Variants in ITIH6 observed in about 807,000 individuals in gnomAD.
ITIH6 encodes the protein inter-alpha-trypsin inhibitor heavy chain H6.
A neutral mutation model predicts 58.2 loss-of-function variants in ITIH6; 60 were observed. The observed-to-expected ratio is 1.03, with a 90% CI of 0.84 to 1.28. ITIH6 has a LOEUF of 1.28. Among genes scored for constraint, ITIH6 ranks in the 50% most tolerant of loss-of-function variants. The probability of loss-of-function intolerance (pLI) is 0.00; values close to 1 mark genes in which losing one functional copy is unlikely to be tolerated. For synonymous variants in ITIH6, 493 were observed against 417.4 expected, an observed-to-expected ratio of 1.18 and a Z score of -2.21; for missense variants, 1,290 against 1,021.1, an observed-to-expected ratio of 1.26 and a Z score of -3.59.
At chrX:54,784,137 C>G (rs1414610158) in intron 5 of ITIH6, among the ~76,000 whole-genome samples, 1 of 111,739 alleles carries the variant, frequency 8.9e-6, no homozygotes, top group African/African-American at 3.3e-5. Flanking sequence ...TATCCATATG[C>G]AGAATAATGA....
rs1928554199 is a variant in ITIH6 at position 54,758,376 on chromosome X, A to G, written c.1698T>C (p.Tyr566=). Reference sequence around the variant, plus strand: ...CATCCAGCAGTTCTCCAATGGTGACATAGGCCCAGAGGCGGCGGATGAAGT... The same window carrying G: ...CATCCAGCAGTTCTCCAATGGTGACGTAGGCCCAGAGGCGGCGGATGAAGT... ...VAHFIRRLWA[Y]VTIGELLDAH... is the part of the protein sequence containing the mutation. The change falls in exon 8 of 13, where the codon TAT becomes TAC. Residue 566 remains tyrosine, a synonymous_variant. Coordinates refer to ENST00000218436, the MANE Select transcript of ITIH6 (RefSeq NM_198510.3). 8.3e-7 allele frequency: 1 copy of G among 1,211,800 alleles called. No individual in the cohort carries two copies.
chrX:54,779,106 G>C (rs912501939), intron 5 of ITIH6, among the ~76,000 whole-genome samples: 3 of 112,425 alleles, frequency 2.7e-5, no homozygotes, highest in African/African-American at 9.7e-5. Flanking sequence ...TTTCATCATT[G>C]CTAGACCTGT....
At position 54,750,067 on chromosome X, in the gene ITIH6, G is replaced by C. The variant is rs1373520195; in HGVS notation, c.3770C>G (p.Pro1257Arg). 2 of 1,210,876 alleles carry C rather than the reference G, an allele frequency of 1.7e-6. No individual in the cohort carries two copies. The highest frequency in any genetic ancestry group is 4.3e-5 in the Admixed American group (2 of 46,041). ...GTGCCTTCGTAAGCATGGCCCCATA[G>C]GTCCTGTCACCAGTCGGATGTCTGC... is the stretch of plus-strand genomic sequence containing the variant. Reference protein sequence around the residue: ...QHADIRLVTGPMGPCLRRHHG... With the variant: ...QHADIRLVTGRMGPCLRRHHG... Residue 1257 changes from proline (P) to arginine (R), a missense_variant, in exon 13 of 13, where the codon CCT becomes CGT. Pro to Arg is a moderately radical substitution (Grantham distance 103). Transcript: ENST00000218436.
At chrX:54,752,130 T>C (rs1453643879) in intron 11 of ITIH6, among the ~76,000 whole-genome samples, 2 of 111,689 alleles carry the variant, frequency 1.8e-5, no homozygotes, top group African/African-American at 6.5e-5. Flanking sequence ...CCATGGTGTG[T>C]ATGAGGAGTC....
intron 9 of ITIH6, among the ~76,000 whole-genome samples, chrX:54,754,477 G>T (rs1368087519): frequency 2.7e-5 from 3 of 112,031 alleles, no homozygotes; most frequent in African/African-American, 9.7e-5. Flanking sequence ...CTTAATATTT[G>T]TATCTAGAGG....
chrX:54,784,826 G>A (rs1353855959), intron 5 of ITIH6, among the ~76,000 whole-genome samples: 6 of 111,502 alleles, frequency 5.4e-5, no homozygotes, highest in Non-Finnish European at 1.1e-4. Context: ...CATACAATCC[G>A]GCCATTCCAC....
In ITIH6 at chrX:54,758,735, C is replaced by A; in HGVS notation, c.1339G>T (p.Gly447Ter). The A allele has an allele frequency of 8.3e-7, 1 of 1,211,042 alleles. No homozygotes were observed. Among genetic ancestry groups the A allele is most frequent in the Non-Finnish European group, 1.1e-6 (1 of 895,162 alleles). ...TCCTCATATATGCGCCGGGCTATTC[C>A]CCGGTTTTCCAGGGACAGGCGGCGC... ...LLRRLSLENRGIARRIYEDTD... is the reference protein window; with the variant it reads ...LLRRLSLENR The change falls in exon 8 of 13, where the codon GGA becomes TGA. Residue 447 changes from glycine (G) to a stop codon, truncating the protein, a stop_gained. Transcript: ENST00000218436. LOFTEE classifies it high-confidence loss of function.
In ITIH6 at chrX:54,791,063, G is replaced by A. The variant is rs768802632; in HGVS notation, c.390C>T (p.Phe130=). Reference sequence around the variant, plus strand: ...CTGCTGCCAGGCTGGTGGAGATGCGGAACTTCTCTGATTCCCGGTCCCTGG... The same window carrying A: ...CTGCTGCCAGGCTGGTGGAGATGCGAAACTTCTCTGATTCCCGGTCCCTGG... ...VGIRDRESEK[F]RISTSLAAGT... The change falls in exon 4 of 13, where the codon TTC becomes TTT. Residue 130 remains phenylalanine, a synonymous_variant. Coordinates refer to ENST00000218436, the MANE Select transcript of ITIH6 (RefSeq NM_198510.3). 4 of 1,209,604 alleles carry A rather than the reference G, an allele frequency of 3.3e-6. No homozygotes were observed. Among genetic ancestry groups the A allele is most frequent in the Non-Finnish European group, 4.5e-6 (4 of 894,900 alleles).
At chrX:54,761,147 G>A (rs1444942554) in intron 6 of ITIH6, among the ~76,000 whole-genome samples, 3 of 112,024 alleles carry the variant, frequency 2.7e-5, no homozygotes, top group Non-Finnish European at 5.6e-5. Flanking sequence ...GTGTGAGATG[G>A]TATCTCATTG....
At position 54,749,893 on chromosome X, in the gene ITIH6, C is replaced by T. The variant is rs371140004; in HGVS notation, c.*2G>A. The stretch of plus-strand genomic sequence containing the variant: ...TCTCCTGGCTCTGGAATTCAGAAGC[C>T]ATCACAGGACATAGGAGAGGTAGGG... On this transcript the variant is annotated 3_prime_UTR_variant, in exon 13 of 13. Transcript: ENST00000218436. The T allele has an allele frequency of 2.5e-6, 3 of 1,198,505 alleles. No homozygotes were observed. The highest frequency in any genetic ancestry group is 3.4e-6 in the Non-Finnish European group (3 of 888,442).
intron 5 of ITIH6, among the ~76,000 whole-genome samples, chrX:54,785,256 G>T (rs1320860603): frequency 9.1e-6 from 1 of 110,264 alleles, no homozygotes; most frequent in East Asian, 2.9e-4. Flanking sequence ...ATGGTTAATG[G>T]GTACAAAGAA....
intron 5 of ITIH6, among the ~76,000 whole-genome samples, chrX:54,776,278 T>A (rs1929051323): frequency 9.0e-6 from 1 of 111,032 alleles, no homozygotes; most frequent in African/African-American, 3.3e-5. Context: ...TGTCAGCATG[T>A]CAGCTGTTGG....
At chrX:54,797,579 T>C (rs779364883) in intron 1 of ITIH6, among the ~76,000 whole-genome samples, 11 of 112,054 alleles carry the variant, frequency 9.8e-5, no homozygotes, top group Non-Finnish European at 2.1e-4. Context: ...TAAATACTGA[T>C]TTTTTTCTTC....
chrX:54,786,289 G>C (rs1417152316), intron 5 of ITIH6, among the ~76,000 whole-genome samples: 1 of 111,610 alleles, frequency 9.0e-6, no homozygotes, highest in South Asian at 3.8e-4. Flanking sequence ...AACTGACAAA[G>C]CCCAAGCTCA....
At chrX:54,766,176 T>A (rs1207313629) in intron 6 of ITIH6, among the ~76,000 whole-genome samples, 2 of 110,815 alleles carry the variant, frequency 1.8e-5, no homozygotes, top group African/African-American at 6.6e-5. Context: ...AGTTCACTCA[T>A]GATTTGGCTC....
At chrX:54,787,181 G>A (rs935906915) in intron 5 of ITIH6, 2 of 111,914 alleles carry the variant, frequency 1.8e-5, no homozygotes, top group African/African-American at 6.5e-5. Flanking sequence ...TGCTGGCAAG[G>A]TACCCTTGGC....
At chrX:54,797,698 T>C (rs1929467458) in intron 1 of ITIH6, among the ~76,000 whole-genome samples, 1 of 111,490 alleles carries the variant, frequency 9.0e-6, no homozygotes, top group South Asian at 3.8e-4. Flanking sequence ...ACAATATCTA[T>C]CTTCTTCCTC....
In ITIH6 at chrX:54,790,837, T is replaced by C. The variant is rs745611218; in HGVS notation, c.616A>G (p.Ser206Gly). The C allele has an allele frequency of 8.3e-7, 1 of 1,211,836 alleles. No individual in the cohort carries two copies. The highest frequency in any genetic ancestry group is 3.0e-5 in the East Asian group (1 of 33,819). The change falls in exon 4 of 13, where the codon AGT becomes GGT. Residue 206 changes from serine (S) to glycine (G), a missense_variant and splice_region_variant. Coordinates refer to ENST00000218436, the MANE Select transcript of ITIH6 (RefSeq NM_198510.3). The stretch of plus-strand genomic sequence containing the variant: ...GTGACCCATAGTGCTGCCCACATAC[T>C]TGCATGGGCATTGGTGCGCAGACGG... ...TGRLRTNAHASEVDSPPSTRI... is the reference protein window; with the variant it reads ...TGRLRTNAHAGEVDSPPSTRI...
At chrX:54,781,199 A>T (rs1452038689) in intron 5 of ITIH6, among the ~76,000 whole-genome samples, 2 of 112,180 alleles carry the variant, frequency 1.8e-5, no homozygotes, top group African/African-American at 6.5e-5. Flanking sequence ...TTTCATGATG[A>T]AGACGCCAAA....
Sources: gnomAD v4.1 joint callset for allele counts (sites outside exome capture counted in the v4.1 genomes callset) on GRCh38, gnomAD v4.1.1 for gene constraint, MANE v1.5 for transcripts, NCBI Gene and HGNC (gene_info 2026-07-23, HGNC 2026-07-21) for gene names.